POGLUT3: variants seen among roughly 807,000 people sequenced by gnomAD.
The protein encoded by POGLUT3 is KDEL (Lys-Asp-Glu-Leu) containing 2.
POGLUT3 carries 48 observed loss-of-function variants against 54.3 expected under a neutral mutation model. That is an observed-to-expected ratio of 0.88 (90% confidence interval 0.70 to 1.12). POGLUT3 has a LOEUF of 1.12. Ranked by LOEUF, POGLUT3 falls within the 50% of genes most tolerant of loss-of-function variation. The pLI, the probability that POGLUT3 is intolerant of heterozygous loss-of-function variation, is 0.00. For missense variants in POGLUT3, 629 were observed against 618.7 expected (o/e 1.02, Z -0.18); for synonymous variants, 218 against 237.4 (o/e 0.92, Z 0.75).
At chr11:108,496,143 G>A (rs1209685938) in intron 1 of POGLUT3, among the ~76,000 whole-genome samples, 1 of 151,988 alleles carries the variant, frequency 6.6e-6, no homozygotes, top group East Asian at 1.9e-4. Context: ...AATCCTGTAA[G>A]CTAACAATGA....
intron 3 of POGLUT3, among the ~76,000 whole-genome samples, chr11:108,483,288 C>A (rs2093596306): frequency 6.6e-6 from 1 of 152,176 alleles, no homozygotes; most frequent in African/African-American, 2.4e-5. Flanking sequence ...TTAGGCTACT[C>A]TCTGAAAATG....
intron 1 of POGLUT3, among the ~76,000 whole-genome samples, chr11:108,497,330 G>A (rs540133403): frequency 2.0e-5 from 3 of 152,206 alleles, no homozygotes; most frequent in Non-Finnish European, 2.9e-5. Context: ...TTCCCAAGTT[G>A]GGACACACTT....
chr11:108,482,986 C>G (rs897488185), intron 3 of POGLUT3, among the ~76,000 whole-genome samples: 1 of 152,136 alleles, frequency 6.6e-6, no homozygotes, highest in South Asian at 2.1e-4. Flanking sequence ...TCAGTTTAGA[C>G]TCTCATCATT....
chr11:108,479,456 A>G lies in POGLUT3; in HGVS notation c.1138T>C (p.Tyr380His). Residue 380 changes from tyrosine (Y) to histidine (H), a missense_variant, in exon 6 of 8, where the codon TAC becomes CAC. Transcript: ENST00000323468. ...CCCAGCATGAGATATGGATATCTGT[A>G]AGCAGCCACGGTCCCATCCACATTT... is the stretch of plus-strand genomic sequence containing the variant. The part of the protein sequence containing the change: ...QVNVDGTVAA[Y>H]RYPYLMLGDS... 1 of 1,610,452 alleles carries G rather than the reference A, an allele frequency of 6.2e-7. No homozygotes were observed. Among genetic ancestry groups the G allele is most frequent in the Non-Finnish European group, 8.5e-7 (1 of 1,179,440 alleles).
intron 3 of POGLUT3, among the ~76,000 whole-genome samples, chr11:108,485,286 T>C (rs1231898514): frequency 6.6e-6 from 1 of 152,190 alleles, no homozygotes; most frequent in Admixed American, 6.5e-5. Flanking sequence ...AGAAAACAGC[T>C]GCAGAAGGTG....
intron 1 of POGLUT3, 120 bp from the exon 2 acceptor site, chr11:108,491,287 A>C: frequency 1.3e-6 from 1 of 752,060 alleles, no homozygotes; most frequent in Non-Finnish European, 2.2e-6. Flanking sequence ...GGTGGTTAAA[A>C]AAAAATCATT....
In POGLUT3 at chr11:108,473,595, T is replaced by G. The variant is rs1322739722; in HGVS notation, c.*1232A>C. ...AGGAATGGATGCTTGCCTTTGTTCTTGGCCTATTATTAGTGAATCCCAAGA... is the reference window on the plus strand; with the variant it reads ...AGGAATGGATGCTTGCCTTTGTTCTGGGCCTATTATTAGTGAATCCCAAGA... On this transcript the variant is annotated 3_prime_UTR_variant, in exon 8 of 8. Transcript: ENST00000323468. 6.6e-6 allele frequency: 1 copy of G among 152,226 alleles called. No homozygotes were observed. Among genetic ancestry groups the G allele is most frequent in the Non-Finnish European group, 1.5e-5 (1 of 68,032 alleles). 9.4% of individuals were successfully genotyped at this position (152,226 alleles called of 1,614,324 possible). A position where few individuals can be genotyped will look rare whatever the true frequency, so the allele number is the denominator to read the frequency against.
chr11:108,482,134 G>A lies in POGLUT3; in HGVS notation c.773C>T (p.Pro258Leu). Residue 258 changes from proline (P) to leucine (L), a missense_variant, in exon 4 of 8, where the codon CCT becomes CTT. Physicochemically the swap from Pro to Leu is moderately conservative, Grantham distance 98 (BLOSUM62 -3). Transcript: ENST00000323468. ...RKVNGTPSPI[P>L]IISWCGSLDS... is the part of the protein sequence containing the mutation. ...CAGAGAGCCACACCATGAAATGATA[G>A]GTATGGGGCTAGGGGTTCCATTGAC... is the stretch of plus-strand genomic sequence containing the variant. The A allele has an allele frequency of 6.2e-7, 1 of 1,614,032 alleles. No individual in the cohort carries two copies. Among genetic ancestry groups the A allele is most frequent in the Non-Finnish European group, 8.5e-7 (1 of 1,179,914 alleles).
Position 108,479,465 on chromosome 11 carries a change from C to A in POGLUT3, c.1129G>T (p.Val377Leu), listed in dbSNP as rs531322305. ...AGATATGGATATCTGTAAGCAGCCA[C>A]GGTCCCATCCACATTTACTTGATAC... is the stretch of plus-strand genomic sequence containing the variant. ...YKYQVNVDGT[V>L]AAYRYPYLML... The change falls in exon 6 of 8, where the codon GTG becomes TTG. Residue 377 changes from valine to leucine, a missense_variant. Coordinates refer to ENST00000323468, the MANE Select transcript of POGLUT3 (RefSeq NM_153705.5). The A allele has an allele frequency of 6.9e-6, 11 of 1,601,268 alleles. No individual in the cohort carries two copies. The East Asian group carries it at 1.6e-4, about 23-fold the overall frequency.
chr11:108,491,308 G>C (rs2135862803), intron 1 of POGLUT3, 141 bp from the exon 2 acceptor site: 1 of 669,694 alleles, frequency 1.5e-6, no homozygotes, highest in Non-Finnish European at 2.5e-6. Context: ...TCCTTTGGAA[G>C]ATCTTTGAGG....
intron 2 of POGLUT3, among the ~76,000 whole-genome samples, chr11:108,487,348 T>C (rs1463076794): frequency 6.6e-6 from 1 of 152,144 alleles, no homozygotes; most frequent in Non-Finnish European, 1.5e-5. Flanking sequence ...GAGCACAGGT[T>C]CTCAGGATGT....
chr11:108,498,138 C>A (rs1202050245), intron 1 of POGLUT3, 27 bp downstream of exon 1: 13 of 1,485,814 alleles, frequency 8.7e-6, no homozygotes, highest in African/African-American at 1.5e-5. Flanking sequence ...GGCCGCGGGA[C>A]GAGGGAGGCC....
At chr11:108,484,759 GCAAACAAA>G (rs1323762030) in intron 3 of POGLUT3, among the ~76,000 whole-genome samples, 13 of 151,844 alleles carry the variant, frequency 8.6e-5, no homozygotes, top group East Asian at 1.9e-4. Flanking sequence ...CCATCTCAAA[GCAAACAAA>G]CAAACAAACA....
intron 2 of POGLUT3, among the ~76,000 whole-genome samples, chr11:108,488,851 G>C (rs2093608273): frequency 6.6e-6 from 1 of 152,168 alleles, no homozygotes; most frequent in Non-Finnish European, 1.5e-5. Flanking sequence ...AATGACCAGA[G>C]AGAACAGTAC....
intron 2 of POGLUT3, chr11:108,487,009 A>AT (rs2093604711): frequency 6.6e-6 from 1 of 152,490 alleles, no homozygotes; most frequent in Non-Finnish European, 1.5e-5. Context: ...GATAAGAAAC[A>AT]TTTGCAATCT....
chr11:108,496,176 A>G (rs1229632859), intron 1 of POGLUT3, among the ~76,000 whole-genome samples: 2 of 151,902 alleles, frequency 1.3e-5, no homozygotes, highest in African/African-American at 4.8e-5. Flanking sequence ...TAAAATGGGG[A>G]TGGGCATGGT....
At chr11:108,489,483 C>T (rs1212999352) in intron 2 of POGLUT3, among the ~76,000 whole-genome samples, 1 of 152,100 alleles carries the variant, frequency 6.6e-6, no homozygotes, top group Admixed American at 6.6e-5. Flanking sequence ...AAAAGCAACA[C>T]AGATGAACAA....
chr11:108,472,470 C>T lies in POGLUT3; in HGVS notation c.*2357G>A, dbSNP rs57618209. The T allele has an allele frequency of 1.3e-5, 2 of 152,326 alleles. No individual in the cohort carries two copies. Among genetic ancestry groups the T allele is most frequent in the African/African-American group, 4.8e-5 (2 of 41,582 alleles). 9.4% of individuals were successfully genotyped at this position (152,326 alleles called of 1,614,324 possible). On this transcript the variant is annotated 3_prime_UTR_variant, in exon 8 of 8. Coordinates refer to ENST00000323468, the MANE Select transcript of POGLUT3 (RefSeq NM_153705.5). ...CAAACCAGAAAGCCATTAACACTAACTCTTTAAAGGCTGCGGCTGAATTGG... is the reference window on the plus strand; with the variant it reads ...CAAACCAGAAAGCCATTAACACTAATTCTTTAAAGGCTGCGGCTGAATTGG...
intron 4 of POGLUT3, 132 bp from the exon 5 acceptor site, chr11:108,481,508 G>A: frequency 1.5e-6 from 1 of 677,734 alleles, no homozygotes; most frequent in Non-Finnish European, 2.2e-6. Context: ...TTCTAAAGTA[G>A]ATGTTATTTC....
Sources: gnomAD v4.1 joint callset for allele counts (sites outside exome capture counted in the v4.1 genomes callset) on GRCh38, gnomAD v4.1.1 for gene constraint, MANE v1.5 for transcripts, NCBI Gene and HGNC (gene_info 2026-07-23, HGNC 2026-07-21) for gene names.